Variants in ZMYM4 observed in about 807,000 individuals in gnomAD.
The protein encoded by ZMYM4 is zinc finger MYM-type protein 4.
A neutral mutation model predicts 183.2 loss-of-function variants in ZMYM4; 31 were observed. The observed-to-expected ratio is 0.17, with a 90% CI of 0.13 to 0.23. The LOEUF is 0.23. Ranked by LOEUF, ZMYM4 falls within the 10% of genes least tolerant of loss-of-function variation. The pLI, the probability that ZMYM4 is intolerant of heterozygous loss-of-function variation, is 1.00. For synonymous variants in ZMYM4, 592 were observed against 631.2 expected (o/e 0.94, Z 0.93); for missense variants, 1,273 against 1,840.3 (o/e 0.69, Z 5.64).
chr1:35,351,505 G>A, intron 2 of ZMYM4: 1 of 1,469,756 alleles, frequency 6.8e-7, no homozygotes, highest in Non-Finnish European at 9.3e-7. Flanking sequence ...CAAAAAAGAA[G>A]AGGTGGAACC....
chr1:35,347,291 G>A (rs995771911), intron 2 of ZMYM4, among the ~76,000 whole-genome samples: 1 of 152,222 alleles, frequency 6.6e-6, no homozygotes, highest in Non-Finnish European at 1.5e-5. Context: ...ACAGGCGTGA[G>A]CCACCGCACC....
intron 26 of ZMYM4, among the ~76,000 whole-genome samples, chr1:35,410,227 C>G (rs1169437123): frequency 6.6e-6 from 1 of 152,106 alleles, no homozygotes; most frequent in Non-Finnish European, 1.5e-5. Context: ...GCCCCACTGC[C>G]AACATTAAGG....
intron 5 of ZMYM4, among the ~76,000 whole-genome samples, chr1:35,362,847 C>T (rs1456579978): frequency 2.6e-5 from 4 of 152,022 alleles, no homozygotes; most frequent in South Asian, 4.2e-4. Context: ...GGACCACAGG[C>T]GTGTACCACC....
At chr1:35,416,783 C>T (rs1246876916) in intron 28 of ZMYM4, among the ~76,000 whole-genome samples, 4 of 152,080 alleles carry the variant, frequency 2.6e-5, no homozygotes, top group African/African-American at 9.7e-5. Flanking sequence ...AAGCTGGTCT[C>T]GAACTCCTGA....
Position 35,370,188 on chromosome 1 carries a change from A to C in ZMYM4, c.925+75A>C. Reference sequence around the variant, plus strand: ...AATGAGAAGAAATTCTGCTTGTATTAATAAACCAGGCAGCTCTCTCTACCC... The same window carrying C: ...AATGAGAAGAAATTCTGCTTGTATTCATAAACCAGGCAGCTCTCTCTACCC... On this transcript the variant is annotated intron_variant, in intron 6 of 29. Transcript: ENST00000314607. The C allele has an allele frequency of 1.9e-6, 3 of 1,562,910 alleles. No individual in the cohort carries two copies. The South Asian group carries it at 3.5e-5, about 18-fold the overall frequency.
chr1:35,290,893 A>G (rs192584091), intron 1 of ZMYM4, among the ~76,000 whole-genome samples: 9 of 152,356 alleles, frequency 5.9e-5, no homozygotes, highest in Non-Finnish European at 1.2e-4. Flanking sequence ...AAATAGCATT[A>G]TATGTAGTTT....
At chr1:35,346,524 G>A (rs1445670446) in intron 2 of ZMYM4, among the ~76,000 whole-genome samples, 2 of 151,874 alleles carry the variant, frequency 1.3e-5, no homozygotes, top group South Asian at 2.1e-4. Flanking sequence ...GATGGCGTAC[G>A]CCTGTAATCC....
chr1:35,330,317 G>A (rs754279601), intron 2 of ZMYM4, among the ~76,000 whole-genome samples: 8 of 152,170 alleles, frequency 5.3e-5, no homozygotes, highest in Non-Finnish European at 8.8e-5. Context: ...AAGAAGCCCA[G>A]ATGATAATAT....
At chr1:35,392,625 T>A in intron 16 of ZMYM4, 22 bp from the exon 17 acceptor site, 1 of 1,584,248 alleles carries the variant, frequency 6.3e-7, no homozygotes, top group East Asian at 2.2e-5. Context: ...GATCCTAAAT[T>A]TATGTTTTAA....
chr1:35,285,933 C>T (rs1640459805), intron 1 of ZMYM4, among the ~76,000 whole-genome samples: 1 of 152,158 alleles, frequency 6.6e-6, no homozygotes, highest in Non-Finnish European at 1.5e-5. Context: ...TCATTGCTTA[C>T]ATCATATTCA....
intron 1 of ZMYM4, among the ~76,000 whole-genome samples, chr1:35,297,921 A>C (rs545063679): frequency 2.9e-4 from 44 of 152,368 alleles, no homozygotes; most frequent in African/African-American, 1.0e-3. Context: ...CAGTAATTTG[A>C]ATATGGAAAG....
chr1:35,269,371 G>A (rs1044322415), intron 1 of ZMYM4, among the ~76,000 whole-genome samples: 3 of 151,572 alleles, frequency 2.0e-5, no homozygotes, highest in Non-Finnish European at 1.5e-5. Context: ...AGGGAGGGGA[G>A]GTGTCAGATT....
intron 1 of ZMYM4, among the ~76,000 whole-genome samples, chr1:35,283,969 T>G (rs1640334658): frequency 1.3e-5 from 2 of 151,786 alleles, no homozygotes; most frequent in Admixed American, 6.6e-5. Flanking sequence ...AGTTTTTTTG[T>G]TTTTTTGTTT....
rs1329623722 is a variant in ZMYM4 at position 35,421,875 on chromosome 1, C to G, written c.*2198C>G. On this transcript the variant is annotated 3_prime_UTR_variant, in exon 30 of 30. Transcript: ENST00000314607. ...TTTGTTCTTTTTCAGTTTTTAACCACTTTTAGGTTTTCCCCTTACAGAAAC... is the reference window on the plus strand; with the variant it reads ...TTTGTTCTTTTTCAGTTTTTAACCAGTTTTAGGTTTTCCCCTTACAGAAAC... 6.6e-6 allele frequency: 1 copy of G among 152,050 alleles called. No individual in the cohort carries two copies. The highest frequency in any genetic ancestry group is 2.4e-5 in the African/African-American group (1 of 41,390). The allele number at this position is 152,050 out of a possible 1,614,324, so 9.4% of individuals were successfully genotyped here. A position where few individuals can be genotyped will look rare whatever the true frequency, so the allele number is the denominator to read the frequency against.
intron 2 of ZMYM4, among the ~76,000 whole-genome samples, chr1:35,329,591 G>A (rs1642646990): frequency 6.6e-6 from 1 of 152,188 alleles, no homozygotes. Context: ...GGAAAAGTAA[G>A]AGCATTGCCG....
intron 2 of ZMYM4, among the ~76,000 whole-genome samples, chr1:35,337,651 C>T (rs770728893): frequency 2.6e-4 from 39 of 152,024 alleles, no homozygotes; most frequent in Non-Finnish European, 4.1e-4. Flanking sequence ...AGCATAAAAA[C>T]AATACAGATA....
chr1:35,325,469 T>C, intron 2 of ZMYM4, 64 bp downstream of exon 2: 2 of 1,527,276 alleles, frequency 1.3e-6, no homozygotes, highest in East Asian at 2.3e-5. Flanking sequence ...AATCTAGATG[T>C]GGTATTTAAC....
intron 4 of ZMYM4, 91 bp downstream of exon 4, chr1:35,361,346 G>A (rs1643931874): frequency 5.4e-6 from 7 of 1,285,318 alleles, no homozygotes; most frequent in Non-Finnish European, 5.4e-6. Context: ...CAATGTATTA[G>A]GTAGAGCACT....
Position 35,419,716 on chromosome 1 carries a change from G to GAAAATTCCAAAATT in ZMYM4, c.*39_*40insAAAATTCCAAAATT. ...TTCTTATTTTCATACATATTGGTAT[G>GAAAATTCCAAAATT]CACCAAACTGTGAATGCATCCAGCT... On this transcript the variant is annotated 3_prime_UTR_variant, in exon 30 of 30. Coordinates refer to ENST00000314607, the MANE Select transcript of ZMYM4 (RefSeq NM_005095.3). 8.1e-6 allele frequency: 13 copies of GAAAATTCCAAAATT among 1,598,116 alleles called. No individual in the cohort carries two copies. The highest frequency in any genetic ancestry group is 1.1e-5 in the Non-Finnish European group (13 of 1,167,274).
Sources: allele counts gnomAD v4.1 joint callset (sites outside exome capture counted in the v4.1 genomes callset), GRCh38; gene constraint gnomAD v4.1.1; transcripts MANE v1.5; gene names NCBI Gene and HGNC (gene_info 2026-07-23, HGNC 2026-07-21).